The following DLG2 variants were observed in gnomAD, a reference collection of about 807,000 sequenced individuals.
DLG2 encodes the protein disks large homolog 2.
A neutral mutation model predicts 132.5 loss-of-function variants in DLG2; 45 were observed. That is an observed-to-expected ratio of 0.34 (90% CI 0.27 to 0.44). DLG2 has a LOEUF of 0.44. Among genes scored for constraint, DLG2 ranks in the 20% least tolerant of loss-of-function variants. DLG2 has a pLI of 1.00. For synonymous variants in DLG2, 424 were observed against 419.6 expected, an observed-to-expected ratio of 1.01 and a Z score of -0.13; for missense variants, 1,045 against 1,196.9, an observed-to-expected ratio of 0.87 and a Z score of 1.87.
At chr11:83,897,961 T>G (rs1261488455) in intron 15 of DLG2, among the ~76,000 whole-genome samples, 1 of 152,238 alleles carries the variant, frequency 6.6e-6, no homozygotes, top group South Asian at 2.1e-4. Flanking sequence ...GTAAAATACT[T>G]TGTCTCCTCT....
Position 85,626,639 on chromosome 11 carries a change from C to T in DLG2, c.-145G>A, listed in dbSNP as rs897868978. The T allele has an allele frequency of 1.3e-5, 2 of 152,176 alleles. No individual in the cohort carries two copies. Among genetic ancestry groups the T allele is most frequent in the African/African-American group, 4.8e-5 (2 of 41,442 alleles). The allele number at this position is 152,176 out of a possible 1,614,324, so 9.4% of individuals were successfully genotyped here. On this transcript the variant is annotated 5_prime_UTR_variant, in exon 2 of 28. It adds an upstream start codon to the 5' untranslated region. Transcript: ENST00000376104. ...GCATTCTTGGGTCTTTCCACTGCCACAGGAGTCAATATCTCTTTTCAGGTC... is the reference window on the plus strand; with the variant it reads ...GCATTCTTGGGTCTTTCCACTGCCATAGGAGTCAATATCTCTTTTCAGGTC...
chr11:84,303,534 C>T (rs117963418), intron 7 of DLG2, among the ~76,000 whole-genome samples: 20 of 152,248 alleles, frequency 1.3e-4, no homozygotes, highest in Admixed American at 3.3e-4. Flanking sequence ...ATTATTTCAA[C>T]CTTACAGAGA....
chr11:83,742,361 T>A (rs1005649138), intron 18 of DLG2, among the ~76,000 whole-genome samples: 2 of 152,100 alleles, frequency 1.3e-5, no homozygotes, highest in Admixed American at 6.6e-5. Context: ...ATAGTTTTTT[T>A]AAAACTTTAA....
intron 6 of DLG2, among the ~76,000 whole-genome samples, chr11:84,928,409 G>C (rs1333482611): frequency 6.6e-6 from 1 of 151,930 alleles, no homozygotes; most frequent in East Asian, 1.9e-4. Context: ...CTACTTCATA[G>C]GGATGTTGTG....
chr11:84,870,037 C>T (rs1330594795), intron 6 of DLG2, among the ~76,000 whole-genome samples: 1 of 152,062 alleles, frequency 6.6e-6, no homozygotes, highest in Admixed American at 6.6e-5. Flanking sequence ...TTTTTGAAAA[C>T]ATAAAAGGAT....
intron 6 of DLG2, among the ~76,000 whole-genome samples, chr11:84,777,007 T>C (rs1318663652): frequency 3.3e-5 from 5 of 151,980 alleles, no homozygotes; most frequent in African/African-American, 9.7e-5. Context: ...ATAACATACA[T>C]TGTACCCATT....
At chr11:83,886,762 C>T (rs11537255) in intron 15 of DLG2, among the ~76,000 whole-genome samples, 46,453 of 151,876 alleles carry the variant, frequency 0.31, 7,645 homozygotes, top group East Asian at 0.48. Flanking sequence ...CAGACCACAG[C>T]GCAATCAAAC....
At chr11:84,303,649 A>T (rs1446990442) in intron 7 of DLG2, among the ~76,000 whole-genome samples, 2 of 152,194 alleles carry the variant, frequency 1.3e-5, no homozygotes, top group African/African-American at 2.4e-5. Flanking sequence ...AAATAGTATG[A>T]CCCACTTGAA....
intron 4 of DLG2, among the ~76,000 whole-genome samples, chr11:85,181,242 A>G (rs1000127304): frequency 1.3e-5 from 2 of 151,404 alleles, no homozygotes; most frequent in Middle Eastern, 3.2e-3. Context: ...ATGTGTATAT[A>G]TATGTGTATA....
At chr11:84,231,590 G>A (rs1272269176) in intron 8 of DLG2, among the ~76,000 whole-genome samples, 4 of 152,196 alleles carry the variant, frequency 2.6e-5, no homozygotes, top group Admixed American at 2.0e-4. Flanking sequence ...AGGAAACTGG[G>A]AGAACTGTGT....
chr11:85,356,150 T>C (rs1379409415), intron 3 of DLG2, among the ~76,000 whole-genome samples: 3 of 152,202 alleles, frequency 2.0e-5, no homozygotes, highest in Admixed American at 6.6e-5. Context: ...AGCCACAGAC[T>C]CTCCATTTGT....
At chr11:84,771,970 T>C (rs778571333) in intron 6 of DLG2, among the ~76,000 whole-genome samples, 48 of 151,992 alleles carry the variant, frequency 3.2e-4, no homozygotes, top group Non-Finnish European at 5.4e-4. Flanking sequence ...CCATTGACAA[T>C]AGCTACACCC....
intron 8 of DLG2, among the ~76,000 whole-genome samples, chr11:84,232,645 G>A (rs1006310126): frequency 5.3e-5 from 8 of 152,160 alleles, no homozygotes; most frequent in Non-Finnish European, 1.2e-4. Context: ...TTCTCTATGT[G>A]AGGACACAGC....
At chr11:83,646,438 C>A (rs528318350) in intron 18 of DLG2, among the ~76,000 whole-genome samples, 1 of 152,024 alleles carries the variant, frequency 6.6e-6, no homozygotes, top group Admixed American at 6.5e-5. Context: ...GCTCTAATTT[C>A]TTCTGTTCTT....
At chr11:85,500,546 AAAAT>A (rs368634709) in intron 3 of DLG2, among the ~76,000 whole-genome samples, 1,055 of 34,616 alleles carry the variant, frequency 0.03, 5 homozygotes, top group Non-Finnish European at 0.053. Flanking sequence ...TATAATAAAA[AAAAT>A]AAAAATAAAA....
At chr11:84,151,114 T>C (rs1247927235) in intron 9 of DLG2, among the ~76,000 whole-genome samples, 1 of 152,080 alleles carries the variant, frequency 6.6e-6, no homozygotes, top group Non-Finnish European at 1.5e-5. Flanking sequence ...AGGATGACGT[T>C]GGCTTTGTAG....
intron 6 of DLG2, among the ~76,000 whole-genome samples, chr11:85,028,448 G>T (rs1473045492): frequency 6.6e-6 from 1 of 152,150 alleles, no homozygotes; most frequent in Non-Finnish European, 1.5e-5. Context: ...CTGCCCAGGA[G>T]CCTGTCTGCT....
intron 5 of DLG2, among the ~76,000 whole-genome samples, chr11:85,130,578 C>T (rs917124459): frequency 2.0e-5 from 3 of 152,136 alleles, no homozygotes; most frequent in African/African-American, 2.4e-5. Context: ...GAGCTTAGGA[C>T]GTATCATAAT....
rs551386647 is a variant in DLG2, at chr11:84,385,558, A to G, written c.520-134267T>C. 1.4e-4 allele frequency among the ~76,000 whole-genome samples: 22 copies of G among 152,256 alleles called. 1 individual carries two copies. In the South Asian group the frequency reaches 4.4e-3, roughly 30 times the overall value. ...ATAATCAGCCAAATAAATAGTATGC[A>G]TAAGGTGGTGCCTCCTTTGGGGAAT... On this transcript the variant is annotated intron_variant, in intron 7 of 27. Coordinates refer to ENST00000376104, the MANE Select transcript of DLG2 (RefSeq NM_001142699.3).
Sources: gnomAD v4.1 joint callset for allele counts (sites outside exome capture counted in the v4.1 genomes callset) on GRCh38, gnomAD v4.1.1 for gene constraint, MANE v1.5 for transcripts, NCBI Gene and HGNC (gene_info 2026-07-23, HGNC 2026-07-21) for gene names.